ABLIM1: variants seen among roughly 807,000 people sequenced by gnomAD.
The protein encoded by ABLIM1 is actin binding LIM protein 1.
A neutral mutation model predicts 107.0 loss-of-function variants in ABLIM1; 40 were observed. The observed-to-expected ratio is 0.37, with a 90% CI of 0.29 to 0.49. ABLIM1 has a LOEUF of 0.49. ABLIM1 is among the 20% of genes least tolerant of loss of function. The pLI, the probability that ABLIM1 is intolerant of heterozygous loss-of-function variation, is 0.97. For synonymous variants in ABLIM1, 357 were observed against 357.3 expected, an observed-to-expected ratio of 1.00 and a Z score of 0.01; for missense variants, 857 against 1,008.5, an observed-to-expected ratio of 0.85 and a Z score of 2.04.
the ABLIM1 span, among the ~76,000 whole-genome samples, chr10:114,787,100 G>C: frequency 3.2e-4 from 48 of 151,536 alleles, no homozygotes; most frequent in Non-Finnish European, 5.9e-4. Context: ...GAGCGTCTCT[G>C]CCCGGCTGCC....
chr10:114,649,452 T>G (rs984769009), intron 1 of ABLIM1, among the ~76,000 whole-genome samples: 3 of 147,094 alleles, frequency 2.0e-5, no homozygotes, highest in Admixed American at 6.8e-5. Flanking sequence ...AATAAATAAA[T>G]AAAGGTGTTG....
intron 1 of ABLIM1, among the ~76,000 whole-genome samples, chr10:114,709,261 C>T (rs2081492037): frequency 6.6e-6 from 1 of 152,126 alleles, no homozygotes; most frequent in African/African-American, 2.4e-5. Flanking sequence ...GGAATGCGTT[C>T]CTTAGCACCC....
chr10:114,641,219 A>C (rs2078732081), intron 1 of ABLIM1, among the ~76,000 whole-genome samples: 2 of 148,082 alleles, frequency 1.4e-5, no homozygotes, highest in South Asian at 4.4e-4. Context: ...TCTGCTGCCA[A>C]ATGAGAAAGT....
At chr10:114,736,827 G>A (rs1293699584) in intron 1 of ABLIM1, among the ~76,000 whole-genome samples, 2 of 152,140 alleles carry the variant, frequency 1.3e-5, no homozygotes, top group African/African-American at 4.8e-5. Flanking sequence ...TCATCTGTGG[G>A]GCGGTGGCAG....
intron 1 of ABLIM1, among the ~76,000 whole-genome samples, chr10:114,736,618 G>A (rs569744337): frequency 6.6e-6 from 1 of 152,274 alleles, no homozygotes; most frequent in Non-Finnish European, 1.5e-5. Flanking sequence ...ACATGACAGG[G>A]TAGTCTGAAA....
rs376834163 is a variant in ABLIM1 at position 114,436,217 on chromosome 10, G to A, written c.*43C>T. 6.6e-6 allele frequency: 10 copies of A among 1,519,302 alleles called. No homozygotes were observed. The highest frequency in any genetic ancestry group is 9.1e-6 in the Non-Finnish European group (10 of 1,097,082). The allele number at this position is 1,519,302 out of a possible 1,614,324, so 94.1% of individuals were successfully genotyped here. A position where few individuals can be genotyped will look rare whatever the true frequency, so the allele number is the denominator to read the frequency against. Reference sequence around the variant, plus strand: ...TCAATATGACATCCTATGGGGCACCGCCACTGTCAGTCCTTTCTCTAATTG... The same window carrying A: ...TCAATATGACATCCTATGGGGCACCACCACTGTCAGTCCTTTCTCTAATTG... On this transcript the variant is annotated 3_prime_UTR_variant, in exon 23 of 23. Transcript: ENST00000533213.
chr10:114,544,866 A>T, intron 6 of ABLIM1, 139 bp downstream of exon 6: 1 of 768,216 alleles, frequency 1.3e-6, no homozygotes, highest in South Asian at 1.6e-5. Flanking sequence ...TAATTCTTGA[A>T]AATAGTCACC....
chr10:114,495,317 G>A (rs952786205), intron 6 of ABLIM1, among the ~76,000 whole-genome samples: 5 of 152,158 alleles, frequency 3.3e-5, no homozygotes, highest in African/African-American at 7.2e-5. Flanking sequence ...AGCCCGTACT[G>A]GAAATGGGAT....
intron 6 of ABLIM1, among the ~76,000 whole-genome samples, chr10:114,517,896 C>T (rs2063130517): frequency 1.3e-5 from 2 of 152,096 alleles, no homozygotes; most frequent in Admixed American, 1.3e-4. Context: ...GTGGATGTGC[C>T]CACCAGACAC....
At chr10:114,552,288 A>G (rs1273705201) in intron 4 of ABLIM1, among the ~76,000 whole-genome samples, 1 of 152,062 alleles carries the variant, frequency 6.6e-6, no homozygotes, top group East Asian at 1.9e-4. Flanking sequence ...AAAATGTCCT[A>G]CTCTGTATCT....
intron 1 of ABLIM1, among the ~76,000 whole-genome samples, chr10:114,653,463 G>A (rs2079347976): frequency 6.6e-6 from 1 of 152,158 alleles, no homozygotes; most frequent in African/African-American, 2.4e-5. Flanking sequence ...AAGATCACTT[G>A]AGCTCAAGAG....
chr10:114,726,408 G>A (rs944125347), intron 1 of ABLIM1, among the ~76,000 whole-genome samples: 37 of 152,032 alleles, frequency 2.4e-4, no homozygotes, highest in Admixed American at 1.1e-3. Flanking sequence ...GGACACTTCA[G>A]GAAGCTTCCA....
intron 8 of ABLIM1, among the ~76,000 whole-genome samples, chr10:114,478,955 C>T (rs2056913882): frequency 6.6e-6 from 1 of 152,206 alleles, no homozygotes; most frequent in Admixed American, 6.5e-5. Context: ...GGATAAAACA[C>T]ATCTATGTAT....
chr10:114,534,509 T>TG (rs1467026895), intron 6 of ABLIM1, among the ~76,000 whole-genome samples: 1 of 25,218 alleles, frequency 4.0e-5, no homozygotes, highest in Non-Finnish European at 8.3e-5. Flanking sequence ...GGGGTGGGGG[T>TG]GGGGGGTTCC....
intron 1 of ABLIM1, among the ~76,000 whole-genome samples, chr10:114,760,611 G>A (rs532250518): frequency 1.6e-4 from 24 of 152,230 alleles, no homozygotes; most frequent in Admixed American, 4.6e-4. Flanking sequence ...ACCACAGCAG[G>A]TCCTGATGGA....
chr10:114,600,273 G>T (rs2075850914), intron 2 of ABLIM1, among the ~76,000 whole-genome samples: 1 of 152,060 alleles, frequency 6.6e-6, no homozygotes, highest in Non-Finnish European at 1.5e-5. Context: ...TGAAAACTGG[G>T]GTTTATCATA....
upstream of ABLIM1, among the ~76,000 whole-genome samples, chr10:114,659,752 G>C (rs1340749788): frequency 6.6e-6 from 1 of 152,116 alleles, no homozygotes; most frequent in African/African-American, 2.4e-5. Flanking sequence ...AGGAAGCACT[G>C]ATCTACGCCA....
chr10:114,789,438 T>C, the ABLIM1 span, among the ~76,000 whole-genome samples: 8 of 152,166 alleles, frequency 5.3e-5, no homozygotes, highest in Non-Finnish European at 8.8e-5. Flanking sequence ...AGTGTGAGCT[T>C]CCCATTGACA....
At chr10:114,600,105 T>C (rs1312122733) in intron 2 of ABLIM1, among the ~76,000 whole-genome samples, 2 of 152,156 alleles carry the variant, frequency 1.3e-5, no homozygotes, top group African/African-American at 4.8e-5. Context: ...TCTAGTCTCC[T>C]TATTTTACAG....
Sources: allele counts gnomAD v4.1 joint callset (sites outside exome capture counted in the v4.1 genomes callset), GRCh38; gene constraint gnomAD v4.1.1; transcripts MANE v1.5; gene names NCBI Gene and HGNC (gene_info 2026-07-23, HGNC 2026-07-21).